Variants in TSGA10 observed in about 807,000 individuals in gnomAD.
TSGA10 encodes the protein testis specific 10.
In TSGA10, 43 loss-of-function variants were observed where a neutral mutation model predicts 96.6. The observed-to-expected ratio is 0.44, with a 90% CI of 0.35 to 0.57. TSGA10 has a LOEUF of 0.57. Ranked by LOEUF, TSGA10 falls within the 20% of genes least tolerant of loss-of-function variation. TSGA10 has a pLI of 0.01. For synonymous variants in TSGA10, 229 were observed against 269.9 expected (o/e 0.85, Z 1.48); for missense variants, 703 against 834.4 (o/e 0.84, Z 1.94).
At chr2:98,998,951 C>CAGTG (rs756551601) in intron 20 of TSGA10, among the ~76,000 whole-genome samples, 12 of 152,110 alleles carry the variant, frequency 7.9e-5, no homozygotes, top group African/African-American at 1.2e-4. Flanking sequence ...GGCTGAAGTG[C>CAGTG]AGTGACATGA....
chr2:99,003,135 G>A (rs998950031), intron 20 of TSGA10, among the ~76,000 whole-genome samples: 1 of 152,140 alleles, frequency 6.6e-6, no homozygotes, highest in Admixed American at 6.6e-5. Flanking sequence ...GGGATTATAG[G>A]CGTAAGCTAC....
chr2:99,050,733 G>A (rs1316233427), intron 16 of TSGA10, among the ~76,000 whole-genome samples: 1 of 152,066 alleles, frequency 6.6e-6, no homozygotes, highest in African/African-American at 2.4e-5. Context: ...AAAGGAAACA[G>A]TAAAGGAGGA....
intron 20 of TSGA10, among the ~76,000 whole-genome samples, chr2:99,015,215 G>A (rs1405490164): frequency 6.6e-6 from 1 of 152,150 alleles, no homozygotes; most frequent in Non-Finnish European, 1.5e-5. Context: ...CAATATCCCT[G>A]ATGAACATAG....
Position 99,026,428 on chromosome 2 carries a change from T to C in TSGA10, c.1615-5946A>G, listed in dbSNP as rs904688531. On this transcript the variant is annotated intron_variant, in intron 17 of 20. Coordinates refer to ENST00000393483, the MANE Select transcript of TSGA10 (RefSeq NM_025244.4). Reference sequence around the variant, plus strand: ...GTCAGACTTAGTAGCTCTTTTTTTTTTTTATTTTTGAGATGGAGTCTCACT... The same window carrying C: ...GTCAGACTTAGTAGCTCTTTTTTTTCTTTATTTTTGAGATGGAGTCTCACT... 3.2e-4 allele frequency among the ~76,000 whole-genome samples: 49 copies of C among 152,212 alleles called. No individual in the cohort carries two copies. In the East Asian group the frequency reaches 6.4e-3, roughly 20 times the overall value.
chr2:99,032,608 C>T (rs1424953561), intron 17 of TSGA10, among the ~76,000 whole-genome samples: 1 of 152,210 alleles, frequency 6.6e-6, no homozygotes, highest in Non-Finnish European at 1.5e-5. Context: ...AAGGCCACCA[C>T]TTCATCAAAT....
At chr2:99,001,609 A>G (rs2077912980) in intron 20 of TSGA10, among the ~76,000 whole-genome samples, 1 of 152,204 alleles carries the variant, frequency 6.6e-6, no homozygotes, top group South Asian at 2.1e-4. Flanking sequence ...CACCAGCAAC[A>G]GAACAAAACT....
At chr2:99,144,762 T>C (rs1264573527) in intron 1 of TSGA10, among the ~76,000 whole-genome samples, 1 of 150,902 alleles carries the variant, frequency 6.6e-6, no homozygotes, top group African/African-American at 2.4e-5. Context: ...CCAGGCCCCA[T>C]GTCACTAACT....
chr2:99,101,755 C>T (rs2090767197), intron 10 of TSGA10, among the ~76,000 whole-genome samples: 1 of 152,110 alleles, frequency 6.6e-6, no homozygotes, highest in African/African-American at 2.4e-5. Flanking sequence ...ACAACGTGGA[C>T]AAACACTGAA....
chr2:99,039,423 A>G (rs1225838524), intron 16 of TSGA10, among the ~76,000 whole-genome samples: 2 of 152,076 alleles, frequency 1.3e-5, no homozygotes, highest in African/African-American at 2.4e-5. Flanking sequence ...GAAGATCCAA[A>G]TAAGTCCAGT....
rs537115552 is a variant in TSGA10, at chr2:99,087,420, C to A, written c.612-6023G>T. Among the ~76,000 whole-genome samples the A allele has an allele frequency of 2.6e-5, 4 of 151,046 alleles. No homozygotes were observed. The East Asian group carries it at 7.8e-4, about 30-fold the overall frequency. On this transcript the variant is annotated intron_variant, in intron 10 of 20. Coordinates refer to ENST00000393483, the MANE Select transcript of TSGA10 (RefSeq NM_025244.4). The stretch of plus-strand genomic sequence containing the variant: ...ACTTGGGGGGCTGAGGCAGGAGAAT[C>A]GTTTGAACCCGGGAGGCGGAGGTTG...
At chr2:99,113,892 C>A (rs2092022261) in intron 4 of TSGA10, among the ~76,000 whole-genome samples, 1 of 152,104 alleles carries the variant, frequency 6.6e-6, no homozygotes, top group Non-Finnish European at 1.5e-5. Context: ...CCAGAACAAC[C>A]CAGCTAAGCC....
chr2:99,066,446 C>T (rs1296787783), intron 15 of TSGA10, among the ~76,000 whole-genome samples: 2 of 152,160 alleles, frequency 1.3e-5, no homozygotes, highest in Non-Finnish European at 1.5e-5. Flanking sequence ...GCAGTACTTA[C>T]TGTCTATGTC....
At chr2:99,111,773 A>G (rs1295485327) in intron 4 of TSGA10, among the ~76,000 whole-genome samples, 1 of 152,124 alleles carries the variant, frequency 6.6e-6, no homozygotes, top group Non-Finnish European at 1.5e-5. Flanking sequence ...TGAATAGACA[A>G]TTTTCAATGT....
intron 10 of TSGA10, among the ~76,000 whole-genome samples, chr2:99,096,120 T>C (rs2104729228): frequency 6.6e-6 from 1 of 152,364 alleles, no homozygotes; most frequent in South Asian, 2.1e-4. Context: ...CTGTCATTTA[T>C]AAGTGTATAG....
rs191170477 is a variant in TSGA10 at position 99,043,471 on chromosome 2, T to C, written c.1405-8032A>G. 9.9e-4 allele frequency among the ~76,000 whole-genome samples: 150 copies of C among 152,078 alleles called. 1 individual carries two copies. In the South Asian group the frequency reaches 0.012, roughly 12 times the overall value. On this transcript the variant is annotated intron_variant, in intron 16 of 20. Coordinates refer to ENST00000393483, the MANE Select transcript of TSGA10 (RefSeq NM_025244.4). ...ATATAGAAAGGACCAGAAGAAATAA[T>C]TGAAAAAATAATGGCTGGAAACTTC...
chr2:99,038,349 A>G (rs1235997329), intron 16 of TSGA10, among the ~76,000 whole-genome samples: 1 of 152,234 alleles, frequency 6.6e-6, no homozygotes, highest in Non-Finnish European at 1.5e-5. Context: ...TCTACCTAAA[A>G]GACACAGAAT....
intron 4 of TSGA10, among the ~76,000 whole-genome samples, chr2:99,115,062 A>C (rs868533371): frequency 2.6e-5 from 4 of 152,058 alleles, no homozygotes; most frequent in Non-Finnish European, 4.4e-5. Context: ...CCTCCCAAGT[A>C]GCTGGGATTA....
intron 1 of TSGA10, among the ~76,000 whole-genome samples, chr2:99,146,274 G>T (rs1217711061): frequency 1.3e-5 from 2 of 152,096 alleles, no homozygotes; most frequent in African/African-American, 4.8e-5. Context: ...TTATCTGTTT[G>T]GGATTCCTCA....
chr2:99,046,310 C>T (rs1173019921), intron 16 of TSGA10, among the ~76,000 whole-genome samples: 1 of 152,076 alleles, frequency 6.6e-6, no homozygotes, highest in Non-Finnish European at 1.5e-5. Flanking sequence ...CAAAATTGAC[C>T]ACATAGTTGG....
Sources: gnomAD v4.1 joint callset for allele counts (sites outside exome capture counted in the v4.1 genomes callset) on GRCh38, gnomAD v4.1.1 for gene constraint, MANE v1.5 for transcripts, NCBI Gene and HGNC (gene_info 2026-07-23, HGNC 2026-07-21) for gene names.